The following CROCC2 variants were observed in gnomAD, a reference collection of about 807,000 sequenced individuals.
CROCC2 encodes ciliary rootlet coiled-coil, rootletin family member 2, also known as ciliary rootlet coiled-coil protein 2.
CROCC2 carries 163 observed loss-of-function variants against 177.6 expected under a neutral mutation model. The observed-to-expected ratio is 0.92, with a 90% CI of 0.81 to 1.05. The LOEUF (loss-of-function observed/expected upper bound fraction) is 1.05. CROCC2 is among the 50% of genes least tolerant of loss of function. CROCC2 has a pLI of 0.00. For synonymous variants in CROCC2, 904 were observed against 787.3 expected (o/e 1.15, Z -2.48); for missense variants, 1,929 against 1,797.8 (o/e 1.07, Z -1.32).
At chr2:240,957,932 C>G (rs1204514293) in intron 19 of CROCC2, 1 of 980,286 alleles carries the variant, frequency 1.0e-6, no homozygotes, top group Non-Finnish European at 1.2e-6. Context: ...TCCTGGGGCC[C>G]TGGGAGCTGA....
At position 240,930,224 on chromosome 2, in the gene CROCC2, T is replaced by A; in HGVS notation, c.704T>A (p.Val235Glu). Residue 235 changes from valine (V) to glutamate (E), a missense_variant, in exon 6 of 32, where the codon GTG (valine) becomes GAG (glutamate). Val to Glu is a moderately radical substitution (Grantham distance 121). Around this residue, in one of 3 missense-constraint regions of CROCC2, gnomAD observed 1,397 missense variants for 1,239.9 expected, o/e 1.13. Coordinates refer to ENST00000690015, the MANE Select transcript of CROCC2 (RefSeq NM_001351305.2). ...CTCCTCCTCCTGTGGAGACAGGCCG[T>A]GGTGCTGGGGACAGACCTGGCCGAG... ...RDLLLLWRQA[V>E]VLGTDLAELR... is the part of the protein sequence containing the mutation. 1.7e-6 allele frequency: 1 copy of A among 599,604 alleles called. No individual in the cohort carries two copies. Among genetic ancestry groups the A allele is most frequent in the Non-Finnish European group, 3.1e-6 (1 of 326,858 alleles). 37.1% of individuals were successfully genotyped at this position (599,604 alleles called of 1,614,324 possible).
chr2:240,968,055 C>T, intron 26 of CROCC2, 74 bp from the exon 27 acceptor site: 1 of 1,341,092 alleles, frequency 7.5e-7, no homozygotes, highest in South Asian at 1.9e-5. Context: ...CTCAAGTCCA[C>T]AGAGCCCTGC....
intron 30 of CROCC2, 76 bp from the exon 31 acceptor site, chr2:240,991,120 C>T (rs2059876329): frequency 1.8e-6 from 2 of 1,083,448 alleles, no homozygotes. Context: ...TGTCACAGAG[C>T]CCTCCATGCC....
Position 240,958,445 on chromosome 2 carries a change from A to C in CROCC2, c.2944-856A>C. The C allele has an allele frequency of 3.2e-6, 1 of 310,124 alleles. No individual in the cohort carries two copies. The highest frequency in any genetic ancestry group is 4.7e-6 in the Non-Finnish European group (1 of 212,396). 19.2% of individuals were successfully genotyped at this position (310,124 alleles called of 1,614,324 possible). A position where few individuals can be genotyped will look rare whatever the true frequency, so the allele number is the denominator to read the frequency against. ...CCCAAGAGCAGGGGGCACAGGCTGCAGGAACCCCCACCCTAGCAGAATCCA... is the reference window on the plus strand; with the variant it reads ...CCCAAGAGCAGGGGGCACAGGCTGCCGGAACCCCCACCCTAGCAGAATCCA... On this transcript the variant is annotated intron_variant, in intron 19 of 31. Transcript: ENST00000690015. This position sits in a 1 kb window ranked among gnomAD's most constrained non-coding sequence, Gnocchi z 6.7.
rs1574767704 is a variant in CROCC2, at chr2:240,946,141, C to T, written c.2251C>T (p.Gln751Ter). The T allele has an allele frequency of 1.3e-6, 2 of 1,548,004 alleles. No homozygotes were observed. The highest frequency in any genetic ancestry group is 1.4e-5 in the African/African-American group (1 of 73,014). Residue 751 changes from glutamine to a stop codon, truncating the protein, a stop_gained, in exon 15 of 32, where the codon CAA (glutamine) becomes TAA (stop). Transcript: ENST00000690015. LOFTEE classifies it high-confidence loss of function. ...DQEAQMGTLQ[Q>*]ALQGKDALSE... ...GGAGGCCCAGATGGGCACTCTGCAGCAAGCCCTGCAAGGAAAGGATGCTCT... is the reference window on the plus strand; with the variant it reads ...GGAGGCCCAGATGGGCACTCTGCAGTAAGCCCTGCAAGGAAAGGATGCTCT...
intron 4 of CROCC2, among the ~76,000 whole-genome samples, chr2:240,923,290 G>A (rs936326061): frequency 2.6e-5 from 4 of 151,832 alleles, no homozygotes; most frequent in Non-Finnish European, 5.9e-5. Context: ...CGCTGTCAGT[G>A]AGCACTGACA....
intron 26 of CROCC2, 184 bp downstream of exon 26, chr2:240,967,649 T>C: frequency 4.4e-6 from 4 of 911,912 alleles, no homozygotes; most frequent in African/African-American, 1.8e-5. Flanking sequence ...ATCGGAGTTC[T>C]CAGCAGCGAC....
Position 240,934,462 on chromosome 2 carries a change from G to C in CROCC2, c.1778G>C (p.Ser593Thr). Reference protein sequence around the residue: ...VVESEREGLRSALARAECSNA... With the variant: ...VVESEREGLRTALARAECSNA... Reference sequence around the variant, plus strand: ...GAGAGTGAGAGGGAGGGACTGCGCAGCGCCCTGGCGCGGGTACACTCTGCT... The same window carrying C: ...GAGAGTGAGAGGGAGGGACTGCGCACCGCCCTGGCGCGGGTACACTCTGCT... The change falls in exon 12 of 32, where the codon AGC becomes ACC. Residue 593 changes from serine to threonine, a missense_variant. Transcript: ENST00000690015. The C allele has an allele frequency of 5.2e-6, 8 of 1,548,056 alleles. No homozygotes were observed. The highest frequency in any genetic ancestry group is 7.0e-6 in the Non-Finnish European group (8 of 1,146,662).
chr2:240,962,733 C>A (rs937041356), intron 20 of CROCC2, among the ~76,000 whole-genome samples: 3 of 152,202 alleles, frequency 2.0e-5, no homozygotes, highest in Admixed American at 6.5e-5. Context: ...CGGAATGGAG[C>A]CTTCTCCAGG....
chr2:240,976,000 G>A lies in CROCC2; in HGVS notation c.4402-6880G>A, dbSNP rs575687949. The stretch of plus-strand genomic sequence containing the variant: ...CCCATCTCAGCCTCCCAAAGTGCTG[G>A]GATTACAGGAATGAGCCACAGCGCC... On this transcript the variant is annotated intron_variant, in intron 27 of 31. Transcript: ENST00000690015. Among the ~76,000 whole-genome samples, 4 of 152,108 alleles carry A rather than the reference G, an allele frequency of 2.6e-5. 1 individual carries two copies. In the East Asian group the frequency reaches 7.7e-4, roughly 29 times the overall value.
rs1316903505 is a variant in CROCC2 at position 240,960,213 on chromosome 2, G to C, written c.3087+769G>C. Among the ~76,000 whole-genome samples the C allele has an allele frequency of 6.6e-6, 1 of 152,252 alleles. No homozygotes were observed. The highest frequency in any genetic ancestry group is 1.5e-5 in the Non-Finnish European group (1 of 68,038). ...GCACGGGGAGGCCCTAGACAAGCTG[G>C]GCTCTGCCCACACAGCAGGAGGCGC... is the stretch of plus-strand genomic sequence containing the variant. On this transcript the variant is annotated intron_variant, in intron 20 of 31. Transcript: ENST00000690015. This position sits in a 1 kb window ranked among gnomAD's most constrained non-coding sequence, Gnocchi z 5.0.
intron 20 of CROCC2, among the ~76,000 whole-genome samples, chr2:240,962,130 C>T (rs2059646588): frequency 6.6e-6 from 1 of 152,172 alleles, no homozygotes; most frequent in East Asian, 1.9e-4. Context: ...TCCACAGCCC[C>T]TCCTCCCTGC....
intron 19 of CROCC2, chr2:240,959,043 G>A (rs1043828350): frequency 9.2e-6 from 4 of 436,616 alleles, no homozygotes; most frequent in African/African-American, 2.0e-5. Context: ...GCTGAGCTGA[G>A]GGGCTGCCTC....
chr2:240,938,156 T>C (rs1419178179), intron 14 of CROCC2, among the ~76,000 whole-genome samples: 1 of 152,228 alleles, frequency 6.6e-6, no homozygotes, highest in Non-Finnish European at 1.5e-5. Flanking sequence ...CACACAAGAC[T>C]TACTGAATCA....
chr2:240,970,225 C>T (rs1376935325), intron 27 of CROCC2, among the ~76,000 whole-genome samples: 5 of 152,164 alleles, frequency 3.3e-5, no homozygotes, highest in Non-Finnish European at 5.9e-5. Context: ...TGAAGTTTCT[C>T]GGTTAACTTT....
At chr2:240,961,266 G>A (rs576312317) in intron 20 of CROCC2, among the ~76,000 whole-genome samples, 1 of 152,092 alleles carries the variant, frequency 6.6e-6, no homozygotes, top group East Asian at 1.9e-4. Context: ...CACGCAGTGA[G>A]ACCACACACA....
Position 240,980,129 on chromosome 2 carries a change from C to A in CROCC2, c.4402-2751C>A. Among the ~76,000 whole-genome samples, 2 of 66,514 alleles carry A rather than the reference C, an allele frequency of 3.0e-5. 1 individual carries two copies. The highest frequency in any genetic ancestry group is 1.2e-3 in the South Asian group (2 of 1,674). 43.6% of individuals were successfully genotyped at this position (66,514 alleles called of 152,430 possible). A position where few individuals can be genotyped will look rare whatever the true frequency, so the allele number is the denominator to read the frequency against. ...TGCTCAGTCTCTGGGGTAGGAGCCT[C>A]AGGAGCCCAGGCTCATCCCTGCTCA... On this transcript the variant is annotated intron_variant, in intron 27 of 31. Transcript: ENST00000690015.
intron 7 of CROCC2, 102 bp from the exon 8 acceptor site, chr2:240,932,215 AG>A (rs2106460737): frequency 3.2e-6 from 2 of 627,578 alleles, no homozygotes; most frequent in Non-Finnish European, 5.9e-6. Context: ...CAGCACCGGC[AG>A]GGGGGCCACC....
intron 1 of CROCC2, among the ~76,000 whole-genome samples, chr2:240,910,460 A>C (rs1341091126): frequency 7.9e-5 from 12 of 152,350 alleles, no homozygotes; most frequent in African/African-American, 2.6e-4. Flanking sequence ...TGAAATTGGC[A>C]AAAGTTGTTC....
Sources: allele counts gnomAD v4.1 joint callset (sites outside exome capture counted in the v4.1 genomes callset), GRCh38; gene constraint gnomAD v4.1.1; regional missense constraint gnomAD v4.1.1; non-coding constraint Gnocchi (gnomAD v3.1); transcripts MANE v1.5; gene names NCBI Gene and HGNC (gene_info 2026-07-23, HGNC 2026-07-21).